Variants in TMEM135 observed in about 807,000 individuals in gnomAD.
The protein encoded by TMEM135 is transmembrane protein 135.
In TMEM135, 30 loss-of-function variants were observed where a neutral mutation model predicts 60.3. That is an observed-to-expected ratio of 0.50 (90% confidence interval 0.37 to 0.68). The LOEUF is 0.68. TMEM135 is among the 30% of genes least tolerant of loss of function. The probability of loss-of-function intolerance (pLI) is 0.00; values close to 1 mark genes in which losing one functional copy is unlikely to be tolerated. For missense variants in TMEM135, 468 were observed against 548.8 expected, an observed-to-expected ratio of 0.85 and a Z score of 1.47; for synonymous variants, 190 against 186.7, an observed-to-expected ratio of 1.02 and a Z score of -0.14.
chr11:87,244,767 G>T (rs1941221043), intron 6 of TMEM135, among the ~76,000 whole-genome samples: 1 of 147,424 alleles, frequency 6.8e-6, no homozygotes, highest in African/African-American at 2.5e-5. Context: ...CTTGCTAGCG[G>T]TCTATCAATT....
At chr11:87,143,989 C>T (rs946015985) in intron 4 of TMEM135, among the ~76,000 whole-genome samples, 14 of 152,044 alleles carry the variant, frequency 9.2e-5, no homozygotes, top group African/African-American at 3.4e-4. Flanking sequence ...GTTTTAAATA[C>T]TTTTGTCCAG....
intron 4 of TMEM135, among the ~76,000 whole-genome samples, chr11:87,144,675 CATA>C (rs1938360193): frequency 6.6e-6 from 1 of 150,404 alleles, no homozygotes; most frequent in Non-Finnish European, 1.5e-5. Context: ...TCTATCTAAC[CATA>C]ATGTTTTACT....
intron 1 of TMEM135, among the ~76,000 whole-genome samples, chr11:87,057,771 A>T (rs1218584369): frequency 6.6e-6 from 1 of 151,674 alleles, no homozygotes; most frequent in Non-Finnish European, 1.5e-5. Flanking sequence ...AGCTTATTAG[A>T]GTTCTTCAAA....
rs1253794738 is a variant in TMEM135 at position 87,243,676 on chromosome 11, A to G, written c.509+6992A>G. On this transcript the variant is annotated intron_variant, in intron 6 of 14. Transcript: ENST00000305494. ...GTTTGTCTGTTATTTGTGTATAAGA[A>G]TGCTTGTGATTTTTGTACATTGATT... Among the ~76,000 whole-genome samples, 11 of 82,168 alleles carry G rather than the reference A, an allele frequency of 1.3e-4. 1 individual carries two copies. In the East Asian group the frequency reaches 2.4e-3, roughly 18 times the overall value. The allele number at this position is 82,168 out of a possible 152,430, so 53.9% of individuals were successfully genotyped here.
At chr11:87,038,609 C>CTTCT (rs1949724442) in intron 1 of TMEM135, among the ~76,000 whole-genome samples, 1 of 113,932 alleles carries the variant, frequency 8.8e-6, no homozygotes, top group Non-Finnish European at 1.8e-5. Flanking sequence ...TTTTATTTTG[C>CTTCT]TTTTTTTTTT....
chr11:87,130,494 A>T (rs922796379), intron 4 of TMEM135, among the ~76,000 whole-genome samples: 2 of 152,114 alleles, frequency 1.3e-5, no homozygotes, highest in African/African-American at 4.8e-5. Context: ...ATGGCCTTTC[A>T]TATTGACAGT....
intron 4 of TMEM135, among the ~76,000 whole-genome samples, chr11:87,129,911 C>A (rs1449985736): frequency 7.4e-6 from 1 of 135,788 alleles, no homozygotes; most frequent in Non-Finnish European, 1.6e-5. Context: ...AAAATGTACC[C>A]TAAATTAATA....
chr11:87,282,480 G>A (rs1055032204), intron 6 of TMEM135, among the ~76,000 whole-genome samples: 3 of 152,144 alleles, frequency 2.0e-5, no homozygotes, highest in African/African-American at 7.2e-5. Context: ...GGCCAGGCTG[G>A]TCTCGAACTC....
intron 5 of TMEM135, among the ~76,000 whole-genome samples, chr11:87,159,380 C>A (rs1938798054): frequency 6.6e-6 from 1 of 151,902 alleles, no homozygotes; most frequent in Non-Finnish European, 1.5e-5. Context: ...CTTTTTTTCC[C>A]CACTGACTTT....
chr11:87,122,307 A>AG (rs1335871433), intron 4 of TMEM135, among the ~76,000 whole-genome samples: 1 of 113,612 alleles, frequency 8.8e-6, no homozygotes, highest in Non-Finnish European at 1.8e-5. Context: ...ATGTTTTGCT[A>AG]GGTTTTTTTT....
chr11:87,057,374 C>A (rs1449029928), intron 1 of TMEM135, among the ~76,000 whole-genome samples: 1 of 152,096 alleles, frequency 6.6e-6, no homozygotes, highest in East Asian at 1.9e-4. Flanking sequence ...TTGCTTGTAT[C>A]TTCCCACATA....
intron 5 of TMEM135, among the ~76,000 whole-genome samples, chr11:87,210,697 A>G (rs1027440131): frequency 1.3e-5 from 2 of 152,118 alleles, no homozygotes; most frequent in African/African-American, 4.8e-5. Flanking sequence ...GAGCAACAAA[A>G]AAGGAAAACT....
chr11:87,156,228 T>C (rs1474201133), intron 4 of TMEM135, among the ~76,000 whole-genome samples: 1 of 152,214 alleles, frequency 6.6e-6, no homozygotes, highest in Non-Finnish European at 1.5e-5. Flanking sequence ...TAGATGTCCA[T>C]CTTTATGATA....
chr11:87,058,396 C>G (rs754729885), intron 1 of TMEM135, among the ~76,000 whole-genome samples: 5 of 151,910 alleles, frequency 3.3e-5, no homozygotes, highest in Non-Finnish European at 7.4e-5. Context: ...GTGGCGTGAT[C>G]TTGGCTTGCT....
rs1329771315 is a variant in TMEM135, at chr11:87,321,602, A to G, written c.*269A>G. ...TATTATTGATCAAATTATGTCCACA[A>G]GCAATATTATATAATCTACGTAGAA... On this transcript the variant is annotated 3_prime_UTR_variant, in exon 15 of 15. Transcript: ENST00000305494. The G allele has an allele frequency of 1.7e-6, 1 of 595,232 alleles. No individual in the cohort carries two copies. Among genetic ancestry groups the G allele is most frequent in the African/African-American group, 1.8e-5 (1 of 54,916 alleles). The allele number at this position is 595,232 out of a possible 1,614,324, so 36.9% of individuals were successfully genotyped here.
chr11:87,235,234 A>G (rs778827356), intron 5 of TMEM135, among the ~76,000 whole-genome samples: 1 of 151,802 alleles, frequency 6.6e-6, no homozygotes, highest in Non-Finnish European at 1.5e-5. Context: ...AACCTTATGC[A>G]TCATGGATAG....
Position 87,327,010 on chromosome 11 carries a change from T to G in TMEM135, c.*5677T>G, listed in dbSNP as rs1590875964. On this transcript the variant is annotated 3_prime_UTR_variant, in exon 15 of 15. Transcript: ENST00000305494. ...TTGTTAATTGCTCAACTAGTGGCAG[T>G]TTTTCCTTGCTGAGGGAACACTGAT... is the stretch of plus-strand genomic sequence containing the variant. The G allele has an allele frequency of 2.2e-6, 1 of 453,718 alleles. No homozygotes were observed. The highest frequency in any genetic ancestry group is 7.0e-5 in the East Asian group (1 of 14,374). The allele number at this position is 453,718 out of a possible 1,614,324, so 28.1% of individuals were successfully genotyped here.
chr11:87,276,873 T>C (rs1477919858), intron 6 of TMEM135, among the ~76,000 whole-genome samples: 3 of 151,732 alleles, frequency 2.0e-5, no homozygotes, highest in South Asian at 2.1e-4. Context: ...GGTTTCACCA[T>C]GTTGGCCAGG....
intron 6 of TMEM135, among the ~76,000 whole-genome samples, chr11:87,256,518 G>A (rs1941531614): frequency 6.6e-6 from 1 of 152,110 alleles, no homozygotes; most frequent in African/African-American, 2.4e-5. Flanking sequence ...GGGAATTTAT[G>A]ATGAATATAA....
Sources: gnomAD v4.1 joint callset for allele counts (sites outside exome capture counted in the v4.1 genomes callset) on GRCh38, gnomAD v4.1.1 for gene constraint, MANE v1.5 for transcripts, NCBI Gene and HGNC (gene_info 2026-07-23, HGNC 2026-07-21) for gene names.